Variants in KCNG1 observed in about 807,000 individuals in gnomAD.
The protein encoded by KCNG1 is voltage-gated potassium channel regulatory subunit KCNG1.
A neutral mutation model predicts 32.4 loss-of-function variants in KCNG1; 17 were observed. That is an observed-to-expected ratio of 0.52 (90% CI 0.36 to 0.79). The LOEUF (loss-of-function observed/expected upper bound fraction) is 0.79, where lower values mean the gene tolerates loss of function less well. Ranked by LOEUF, KCNG1 falls within the 30% of genes least tolerant of loss-of-function variation. The probability of loss-of-function intolerance (pLI) is 0.00; values close to 1 mark genes in which losing one functional copy is unlikely to be tolerated. For missense variants in KCNG1, 441 were observed against 735.2 expected, an observed-to-expected ratio of 0.60 and a Z score of 4.63; for synonymous variants, 358 against 339.9, an observed-to-expected ratio of 1.05 and a Z score of -0.59.
chr20:51,011,315 T>C (rs1239946470), intron 1 of KCNG1, among the ~76,000 whole-genome samples: 1 of 152,196 alleles, frequency 6.6e-6, no homozygotes, highest in East Asian at 1.9e-4. Context: ...TGTTATTTAC[T>C]TAACATTTTA....
Position 51,004,638 on chromosome 20 carries a change from T to G in KCNG1, c.943A>C (p.Thr315Pro). ...GCGGCGGCGCCGTCCACCAGCAGCGTGATGTAGTAGGGCAGGATGGCCACC... is the reference window on the plus strand; with the variant it reads ...GCGGCGGCGCCGTCCACCAGCAGCGGGATGTAGTAGGGCAGGATGGCCACC... ...DLVAILPYYITLLVDGAAAGR... is the reference protein window; with the variant it reads ...DLVAILPYYIPLLVDGAAAGR... The change falls in exon 3 of 3, where the codon ACG (threonine) becomes CCG (proline). Residue 315 changes from threonine (T) to proline (P), a missense_variant. Transcript: ENST00000371571. The surrounding 1 kb of genome is among the most constrained non-coding windows in gnomAD (Gnocchi z 4.3). 6.3e-7 allele frequency: 1 copy of G among 1,598,990 alleles called. No individual in the cohort carries two copies. The highest frequency in any genetic ancestry group is 2.3e-5 in the East Asian group (1 of 44,048).
chr20:51,011,175 A>G (rs1348116032), intron 1 of KCNG1, among the ~76,000 whole-genome samples: 3 of 152,240 alleles, frequency 2.0e-5, no homozygotes, highest in African/African-American at 7.2e-5. Flanking sequence ...AACATTGTTC[A>G]GCATCTCCCA....
Position 51,003,912 on chromosome 20 carries a change from G to T in KCNG1, c.*127C>A. 9.9e-7 allele frequency: 1 copy of T among 1,012,470 alleles called. No individual in the cohort carries two copies. Among genetic ancestry groups the T allele is most frequent in the Non-Finnish European group, 1.4e-6 (1 of 699,284 alleles). 62.7% of individuals were successfully genotyped at this position (1,012,470 alleles called of 1,614,324 possible). A position where few individuals can be genotyped will look rare whatever the true frequency, so the allele number is the denominator to read the frequency against. On this transcript the variant is annotated 3_prime_UTR_variant, in exon 3 of 3. Coordinates refer to ENST00000371571, the MANE Select transcript of KCNG1 (RefSeq NM_002237.4). The stretch of plus-strand genomic sequence containing the variant: ...GTGGGAGTGAGGGTGTCCTTCCCCG[G>T]GTGCGTGGGAGTCGGTGCTGCGCCA...
intron 1 of KCNG1, among the ~76,000 whole-genome samples, chr20:51,013,389 A>G (rs567089537): frequency 1.6e-4 from 25 of 152,148 alleles, no homozygotes; most frequent in Non-Finnish European, 2.8e-4. Flanking sequence ...AAATCTATCA[A>G]TTCCAAACGG....
In KCNG1 at chr20:51,015,137, T is replaced by C. The variant is rs1280819102; in HGVS notation, c.-26-4773A>G. Among the ~76,000 whole-genome samples, 1 of 151,618 alleles carries C rather than the reference T, an allele frequency of 6.6e-6. No homozygotes were observed. The highest frequency in any genetic ancestry group is 1.5e-5 in the Non-Finnish European group (1 of 67,932). On this transcript the variant is annotated intron_variant, in intron 1 of 2. Coordinates refer to ENST00000371571, the MANE Select transcript of KCNG1 (RefSeq NM_002237.4). This position sits in a 1 kb window ranked among gnomAD's most constrained non-coding sequence, Gnocchi z 4.4. ...GAGCCCAGGCTGGAGGCTATGGAAGTCATTCTGGAAATGACTAAGGTTTGC... is the reference window on the plus strand; with the variant it reads ...GAGCCCAGGCTGGAGGCTATGGAAGCCATTCTGGAAATGACTAAGGTTTGC...
In KCNG1 at chr20:51,004,411, G is replaced by T. The variant is rs1568794133; in HGVS notation, c.1170C>A (p.Leu390=). ...CGATGACGTAGAGCAGGGGCGCGAA[G>T]AGGGCGATGGCCACGCAGAGGAAGA... ...LLLFLCVAIA[L]FAPLLYVIEN... Residue 390 remains leucine, a synonymous_variant, in exon 3 of 3, where the codon CTC becomes CTA. Coordinates refer to ENST00000371571, the MANE Select transcript of KCNG1 (RefSeq NM_002237.4). This position sits in a 1 kb window ranked among gnomAD's most constrained non-coding sequence, Gnocchi z 4.3. 1.2e-6 allele frequency: 2 copies of T among 1,611,772 alleles called. No individual in the cohort carries two copies. The highest frequency in any genetic ancestry group is 1.7e-6 in the Non-Finnish European group (2 of 1,178,158).
chr20:51,020,672 C>T (rs1010804084), intron 1 of KCNG1, among the ~76,000 whole-genome samples: 1 of 152,084 alleles, frequency 6.6e-6, no homozygotes, highest in East Asian at 1.9e-4. Flanking sequence ...GATTCCTGTA[C>T]CCCTAGACCT....
At chr20:51,010,538 T>A (rs1200297909) in intron 1 of KCNG1, among the ~76,000 whole-genome samples, 174 bp from the exon 2 acceptor site, 1 of 152,212 alleles carries the variant, frequency 6.6e-6, no homozygotes, top group East Asian at 1.9e-4. Flanking sequence ...CTTTGAGATG[T>A]CATTTGGTTC....
Position 51,009,918 on chromosome 20 carries a change from C to T in KCNG1, c.421G>A (p.Glu141Lys), listed in dbSNP as rs746545224. 22 of 1,613,532 alleles carry T rather than the reference C, an allele frequency of 1.4e-5. No individual in the cohort carries two copies. Among genetic ancestry groups the T allele is most frequent in the Non-Finnish European group, 1.9e-5 (22 of 1,179,976 alleles). ...TCCTGGAAGGACAGCGCGCACATCTCGCGCAGCAGCCGCAGCTTGCCCGCG... is the reference window on the plus strand; with the variant it reads ...TCCTGGAAGGACAGCGCGCACATCTTGCGCAGCAGCCGCAGCTTGCCCGCG... ...LRAGKLRLLR[E>K]MCALSFQEEL... Residue 141 changes from glutamate (E) to lysine (K), a missense_variant, in exon 2 of 3, where the codon GAG becomes AAG. Physicochemically the swap from Glu to Lys is moderately conservative, Grantham distance 56. Around this residue, in one of 6 missense-constraint regions of KCNG1, gnomAD observed 70 missense variants for 158.4 expected, o/e 0.44. Coordinates refer to ENST00000371571, the MANE Select transcript of KCNG1 (RefSeq NM_002237.4).
At chr20:51,016,519 T>A (rs1300096323) in intron 1 of KCNG1, among the ~76,000 whole-genome samples, 1 of 152,172 alleles carries the variant, frequency 6.6e-6, no homozygotes, top group Admixed American at 6.5e-5. Flanking sequence ...CCAACCACCC[T>A]AAGCTGAAGA....
chr20:51,004,809 G>C lies in KCNG1; in HGVS notation c.775-3C>G. ...TGGCACATCTGGGAACAGTGGCCCT[G>C]GGAGAGAGGGGAAGGGACGCCGGAG... On this transcript the variant is annotated splice_polypyrimidine_tract_variant and splice_region_variant and intron_variant, in intron 2 of 2. Transcript: ENST00000371571. This position sits in a 1 kb window ranked among gnomAD's most constrained non-coding sequence, Gnocchi z 4.3. 6.4e-7 allele frequency: 1 copy of C among 1,550,520 alleles called. No homozygotes were observed. The highest frequency in any genetic ancestry group is 8.7e-7 in the Non-Finnish European group (1 of 1,143,366).
Position 51,005,523 on chromosome 20 carries a change from G to A in KCNG1, c.775-717C>T, listed in dbSNP as rs1420078215. On this transcript the variant is annotated intron_variant, in intron 2 of 2. Transcript: ENST00000371571. The surrounding 1 kb of genome is among the most constrained non-coding windows in gnomAD (Gnocchi z 4.0). ...TGCCTCACCGAAGCTTTCAAAAGAG[G>A]CTGGAAATGTGCAGTTTTACATGAA... 1 of 152,274 alleles carries A rather than the reference G, an allele frequency of 6.6e-6. No individual in the cohort carries two copies. 9.4% of individuals were successfully genotyped at this position (152,274 alleles called of 1,614,324 possible).
In KCNG1 at chr20:51,009,646, G is replaced by A. The variant is rs778822603; in HGVS notation, c.693C>T (p.Cys231=). ...TGACGGTCACGAAGAGCACCGACAG[G>A]CAGGCGAACACCTTGCCAGGCAGCC... The part of the protein sequence containing the change: ...HSGLPGKVFA[C]LSVLFVTVTA... The change falls in exon 2 of 3, where the codon TGC becomes TGT. Residue 231 remains cysteine (C), a synonymous_variant. Coordinates refer to ENST00000371571, the MANE Select transcript of KCNG1 (RefSeq NM_002237.4). 2 of 1,607,340 alleles carry A rather than the reference G, an allele frequency of 1.2e-6. No individual in the cohort carries two copies. The highest frequency in any genetic ancestry group is 1.7e-6 in the Non-Finnish European group (2 of 1,179,192).
In KCNG1 at chr20:51,010,763, C is replaced by T. The variant is rs533203025; in HGVS notation, c.-26-399G>A. ...TACAAAAACTAGCCAGGCATGGTGG[C>T]GTGCACCTGTAATCCTAGCTACTAG... On this transcript the variant is annotated intron_variant, in intron 1 of 2. Coordinates refer to ENST00000371571, the MANE Select transcript of KCNG1 (RefSeq NM_002237.4). 1.3e-3 allele frequency among the ~76,000 whole-genome samples: 203 copies of T among 152,172 alleles called. 2 individuals carry two copies. Among genetic ancestry groups the T allele is most frequent in the African/African-American group, 3.9e-3 (163 of 41,514 alleles).
intron 1 of KCNG1, among the ~76,000 whole-genome samples, chr20:51,017,415 G>A (rs1279077687): frequency 6.6e-6 from 1 of 152,234 alleles, no homozygotes; most frequent in African/African-American, 2.4e-5. Context: ...CACATGGAGG[G>A]TGCCTGGAAG....
Position 51,010,334 on chromosome 20 carries a change from G to A in KCNG1, c.5C>T (p.Thr2Ile). The change falls in exon 2 of 3, where the codon ACC becomes ATC. Residue 2 changes from threonine to isoleucine, a missense_variant. Thr to Ile is a moderately conservative substitution (Grantham distance 89, BLOSUM62 -1). This residue lies in a region of KCNG1 where 85 missense variants were observed against 98.2 expected (regional missense o/e 0.87). Transcript: ENST00000371571. MTLLPGDNSDYD... is the reference protein window; with the variant it reads MILLPGDNSDYD... ...GTCAGAATTGTCTCCCGGTAAGAGG[G>A]TCATTTTGGGCCTTCACATCCCTCT... 1 of 1,503,220 alleles carries A rather than the reference G, an allele frequency of 6.7e-7. No individual in the cohort carries two copies. Among genetic ancestry groups the A allele is most frequent in the Non-Finnish European group, 8.8e-7 (1 of 1,134,974 alleles). The allele number at this position is 1,503,220 out of a possible 1,614,324, so 93.1% of individuals were successfully genotyped here.
At chr20:51,009,414 G>T in intron 2 of KCNG1, 151 bp downstream of exon 2, 1 of 958,070 alleles carries the variant, frequency 1.0e-6, no homozygotes, top group Non-Finnish European at 1.5e-6. Context: ...CAGGGAGGCA[G>T]ACCATGCACA....
chr20:51,010,489 G>C (rs1013073620), intron 1 of KCNG1, 125 bp from the exon 2 acceptor site: 2 of 697,148 alleles, frequency 2.9e-6, no homozygotes, highest in Non-Finnish European at 4.6e-6. Flanking sequence ...ATAGGTTGCA[G>C]GCCCTAGCCC....
rs574229644 is a variant in KCNG1, at chr20:51,018,606, C to CCA, written c.-27+4262_-27+4263dup. 1.8e-4 allele frequency among the ~76,000 whole-genome samples: 28 copies of CCA among 152,322 alleles called. 1 individual carries two copies. In the South Asian group the frequency reaches 5.8e-3, roughly 32 times the overall value. ...CACAAAGTGTTATAAATAGCAGCAA[C>CCA]CACAGCCTCCCTCCACTGCAAACTC... On this transcript the variant is annotated intron_variant, in intron 1 of 2. Coordinates refer to ENST00000371571, the MANE Select transcript of KCNG1 (RefSeq NM_002237.4).
Sources: gnomAD v4.1 joint callset for allele counts (sites outside exome capture counted in the v4.1 genomes callset) on GRCh38, gnomAD v4.1.1 for gene constraint, gnomAD v4.1.1 regional missense constraint, Gnocchi (gnomAD v3.1) non-coding constraint, MANE v1.5 for transcripts, NCBI Gene and HGNC (gene_info 2026-07-23, HGNC 2026-07-21) for gene names.